The following XKR6 variants were observed in gnomAD, a reference collection of about 807,000 sequenced individuals.
XKR6 encodes XK-related protein 6.
XKR6 carries 22 observed loss-of-function variants against 56.7 expected under a neutral mutation model. The ratio of observed to expected loss-of-function variants is 0.39; its 90% CI spans 0.28 to 0.55. XKR6 has a LOEUF of 0.55. Ranked by LOEUF, XKR6 falls within the 20% of genes least tolerant of loss-of-function variation. The pLI, the probability that XKR6 is intolerant of heterozygous loss-of-function variation, is 0.66. For synonymous variants in XKR6, 524 were observed against 387.8 expected (o/e 1.35, Z -4.13); for missense variants, 852 against 889.0 (o/e 0.96, Z 0.53).
At chr8:11,045,307 C>A (rs985711419) in intron 1 of XKR6, among the ~76,000 whole-genome samples, 1 of 151,710 alleles carries the variant, frequency 6.6e-6, no homozygotes, top group Admixed American at 6.6e-5. Context: ...AGGCTGGTCT[C>A]GAACTCCTAA....
chr8:11,064,758 G>A (rs914780317), intron 1 of XKR6, among the ~76,000 whole-genome samples: 6 of 152,192 alleles, frequency 3.9e-5, no homozygotes, highest in Non-Finnish European at 8.8e-5. Flanking sequence ...CTTGTAACGT[G>A]AAAGAATGTG....
chr8:10,941,001 C>T (rs959950251), intron 1 of XKR6, among the ~76,000 whole-genome samples: 1 of 152,200 alleles, frequency 6.6e-6, no homozygotes, highest in African/African-American at 2.4e-5. Context: ...CACAGTGACT[C>T]GGCCACCGGG....
In XKR6 at chr8:11,005,351, G is replaced by C. The variant is rs1262195310; in HGVS notation, c.765-80521C>G. On this transcript the variant is annotated intron_variant, in intron 1 of 2. Transcript: ENST00000416569. ...TAAGGTGAAATCTTGGATAAGAAGTGACTGTAGTAGATATAGATATATATA... is the reference window on the plus strand; with the variant it reads ...TAAGGTGAAATCTTGGATAAGAAGTCACTGTAGTAGATATAGATATATATA... Among the ~76,000 whole-genome samples, 6 of 150,638 alleles carry C rather than the reference G, an allele frequency of 4.0e-5. 1 individual carries two copies. Among genetic ancestry groups the C allele is most frequent in the Admixed American group, 3.9e-4 (6 of 15,234 alleles).
intron 1 of XKR6, among the ~76,000 whole-genome samples, chr8:11,001,630 C>G (rs1355897026): frequency 2.0e-5 from 3 of 152,232 alleles, no homozygotes; most frequent in Non-Finnish European, 4.4e-5. Flanking sequence ...GCAGGGCCCC[C>G]CATTCCTGGA....
intron 1 of XKR6, among the ~76,000 whole-genome samples, chr8:11,144,125 G>C (rs1800854437): frequency 6.6e-6 from 1 of 151,906 alleles, no homozygotes; most frequent in Non-Finnish European, 1.5e-5. Flanking sequence ...GGGGGTCAGG[G>C]CTTCACATAT....
chr8:11,007,613 G>A (rs1269656307), intron 1 of XKR6, among the ~76,000 whole-genome samples: 9 of 152,160 alleles, frequency 5.9e-5, no homozygotes, highest in African/African-American at 2.2e-4. Flanking sequence ...CAGACTGGAG[G>A]AGTCAGCTCT....
chr8:10,988,196 T>C (rs1351522721), intron 1 of XKR6, among the ~76,000 whole-genome samples: 1 of 152,194 alleles, frequency 6.6e-6, no homozygotes, highest in Non-Finnish European at 1.5e-5. Context: ...TGATTTTATC[T>C]ATTATCTGAC....
chr8:11,044,823 T>A (rs1799368343), intron 1 of XKR6, among the ~76,000 whole-genome samples: 1 of 152,068 alleles, frequency 6.6e-6, no homozygotes, highest in African/African-American at 2.4e-5. Context: ...TTTCACCATG[T>A]TGGGTAGGCT....
At chr8:11,132,781 A>ACACACACG (rs1397841043) in intron 1 of XKR6, among the ~76,000 whole-genome samples, 1 of 144,836 alleles carries the variant, frequency 6.9e-6, no homozygotes, top group African/African-American at 2.7e-5. Context: ...ACACACACAC[A>ACACACACG]CACACGCACA....
intron 1 of XKR6, among the ~76,000 whole-genome samples, chr8:11,185,250 T>C (rs567451013): frequency 5.3e-5 from 8 of 152,328 alleles, no homozygotes; most frequent in Admixed American, 5.2e-4. Flanking sequence ...TCACGTTGCA[T>C]TAATCTTTCT....
At chr8:11,020,124 C>CT (rs145871841) in intron 1 of XKR6, among the ~76,000 whole-genome samples, 6,172 of 151,972 alleles carry the variant, frequency 0.041, 395 homozygotes, top group African/African-American at 0.14. Context: ...GAAGTGCTTG[C>CT]TTCTGCCCTG....
intron 1 of XKR6, among the ~76,000 whole-genome samples, chr8:11,174,806 G>A (rs1802575596): frequency 6.6e-6 from 1 of 152,082 alleles, no homozygotes; most frequent in Non-Finnish European, 1.5e-5. Context: ...CTCATCCACA[G>A]CACCAGAGAA....
rs143826226 is a variant in XKR6 at position 11,136,125 on chromosome 8, G to A, written c.764+64451C>T. Among the ~76,000 whole-genome samples, 21 of 152,204 alleles carry A rather than the reference G, an allele frequency of 1.4e-4. 1 individual carries two copies. In the East Asian group the frequency reaches 1.7e-3, roughly 13 times the overall value. On this transcript the variant is annotated intron_variant, in intron 1 of 2. Transcript: ENST00000416569. ...GCATCCCACCACCGGAAGTATCTGC[G>A]AGGCAATAAAAAAGGATGAAAAGCT... is the stretch of plus-strand genomic sequence containing the variant.
chr8:11,087,137 C>G (rs983892021), intron 1 of XKR6, among the ~76,000 whole-genome samples: 2 of 152,214 alleles, frequency 1.3e-5, no homozygotes, highest in Non-Finnish European at 2.9e-5. Context: ...ACAAGTCTTC[C>G]TCTATAGCTC....
intron 1 of XKR6, among the ~76,000 whole-genome samples, chr8:11,001,835 C>G (rs533581699): frequency 6.6e-6 from 1 of 152,288 alleles, no homozygotes; most frequent in East Asian, 1.9e-4. Flanking sequence ...CAGGGGCAAG[C>G]GGCACTGTGC....
chr8:11,102,573 T>C (rs1023384251), intron 1 of XKR6, among the ~76,000 whole-genome samples: 1 of 152,106 alleles, frequency 6.6e-6, no homozygotes, highest in Non-Finnish European at 1.5e-5. Context: ...ATCTTTTCAA[T>C]AATTCAGCAG....
intron 1 of XKR6, among the ~76,000 whole-genome samples, chr8:10,956,359 C>T (rs1156967380): frequency 2.0e-5 from 3 of 152,164 alleles, no homozygotes; most frequent in African/African-American, 7.2e-5. Flanking sequence ...TAGTGGCTTG[C>T]CAGGCGTCTA....
chr8:11,094,342 C>T (rs1798200433), intron 1 of XKR6, among the ~76,000 whole-genome samples: 1 of 152,116 alleles, frequency 6.6e-6, no homozygotes, highest in Admixed American at 6.5e-5. Flanking sequence ...GTGTGCACCA[C>T]CATGCCCAGC....
Position 11,160,374 on chromosome 8 carries a change from G to C in XKR6, c.764+40202C>G, listed in dbSNP as rs144432171. ...CAGGAATAATGGTGAGTCTGAAGCTGAGATGGCCTTTATGGGGAAAAAAAA... is the reference window on the plus strand; with the variant it reads ...CAGGAATAATGGTGAGTCTGAAGCTCAGATGGCCTTTATGGGGAAAAAAAA... On this transcript the variant is annotated intron_variant, in intron 1 of 2. Coordinates refer to ENST00000416569, the MANE Select transcript of XKR6 (RefSeq NM_173683.4). Among the ~76,000 whole-genome samples, 70 of 152,016 alleles carry C rather than the reference G, an allele frequency of 4.6e-4. 1 individual carries two copies. In the East Asian group the frequency reaches 0.013, roughly 28 times the overall value.
Sources: gnomAD v4.1 joint callset for allele counts (sites outside exome capture counted in the v4.1 genomes callset) on GRCh38, gnomAD v4.1.1 for gene constraint, MANE v1.5 for transcripts, NCBI Gene and HGNC (gene_info 2026-07-23, HGNC 2026-07-21) for gene names.